Variants in TBC1D8 observed in about 807,000 individuals in gnomAD.
TBC1D8 encodes the protein TBC1 domain family member 8, also known as BUB2-like protein 1.
In TBC1D8, 65 loss-of-function variants were observed where a neutral mutation model predicts 118.8. The ratio of observed to expected loss-of-function variants is 0.55; its 90% CI spans 0.45 to 0.67. The LOEUF is 0.67. Ranked by LOEUF, TBC1D8 falls within the 30% of genes least tolerant of loss-of-function variation. The pLI is 0.00. For synonymous variants in TBC1D8, 566 were observed against 595.8 expected, an observed-to-expected ratio of 0.95 and a Z score of 0.73; for missense variants, 1,376 against 1,471.2, an observed-to-expected ratio of 0.94 and a Z score of 1.06.
rs201987619 is a variant in TBC1D8, at chr2:101,107,704, TG to T, written c.128-17341del. Among the ~76,000 whole-genome samples, 634 of 152,286 alleles carry T rather than the reference TG, an allele frequency of 4.2e-3. 2 individuals carry two copies. Among genetic ancestry groups the T allele is most frequent in the Non-Finnish European group, 6.9e-3 (468 of 68,022 alleles). The stretch of plus-strand genomic sequence containing the variant: ...AACCAGGGCTCCTTGGAGAAATGGC[TG>T]CTTCTGGAACTGGAACAGGAAATAT... On this transcript the variant is annotated intron_variant, in intron 1 of 19. Coordinates refer to ENST00000409318, the MANE Select transcript of TBC1D8 (RefSeq NM_001330348.2).
intron 15 of TBC1D8, chr2:101,023,946 T>C (rs1210351455): frequency 6.4e-6 from 1 of 155,660 alleles, no homozygotes; most frequent in East Asian, 1.9e-4. Flanking sequence ...AGCCATGTTA[T>C]TTAAATAGTC....
At chr2:101,069,002 A>AG (rs1381791941) in intron 2 of TBC1D8, among the ~76,000 whole-genome samples, 2 of 149,678 alleles carry the variant, frequency 1.3e-5, no homozygotes, top group East Asian at 4.0e-4. Context: ...CTCCGTTTCA[A>AG]GAAAAAAAAA....
intron 17 of TBC1D8, among the ~76,000 whole-genome samples, chr2:101,014,670 T>C (rs1679481762): frequency 6.6e-6 from 1 of 152,202 alleles, no homozygotes; most frequent in Admixed American, 6.5e-5. Context: ...CTTAGAGCAG[T>C]GTAAGCATCC....
At chr2:101,074,668 G>C in intron 2 of TBC1D8, among the ~76,000 whole-genome samples, 1 of 152,292 alleles carries the variant, frequency 6.6e-6, no homozygotes, top group East Asian at 1.9e-4. Context: ...AATGGTGTGC[G>C]TGTACGTATA....
intron 5 of TBC1D8, among the ~76,000 whole-genome samples, chr2:101,043,652 G>A (rs1009570805): frequency 1.3e-5 from 2 of 152,208 alleles, no homozygotes; most frequent in Admixed American, 6.5e-5. Flanking sequence ...TAAGAATAAG[G>A]TGTTCCAGGC....
intron 1 of TBC1D8, among the ~76,000 whole-genome samples, chr2:101,094,129 A>G (rs1440482075): frequency 6.6e-6 from 1 of 152,146 alleles, no homozygotes; most frequent in Non-Finnish European, 1.5e-5. Flanking sequence ...TGCCCACTTA[A>G]TAACCCTCAG....
intron 14 of TBC1D8, 143 bp downstream of exon 14, chr2:101,027,905 T>C: frequency 1.4e-6 from 1 of 718,148 alleles, no homozygotes; most frequent in South Asian, 1.8e-5. Context: ...GTTTCTACAC[T>C]ACTTCACCCT....
At position 101,054,098 on chromosome 2, in the gene TBC1D8, C is replaced by T; in HGVS notation, c.631+10G>A. On this transcript the variant is annotated intron_variant, in intron 4 of 19. Transcript: ENST00000409318. ...CTTTATCTTGGAAGAGCCTGCCAGG[C>T]CTCACTTACGTTCCTTGCCCAGGAA... The T allele has an allele frequency of 6.2e-7, 1 of 1,602,338 alleles. No individual in the cohort carries two copies. The highest frequency in any genetic ancestry group is 8.5e-7 in the Non-Finnish European group (1 of 1,173,194).
intron 11 of TBC1D8, among the ~76,000 whole-genome samples, chr2:101,030,143 G>A (rs1013475169): frequency 6.6e-6 from 1 of 152,110 alleles, no homozygotes; most frequent in Non-Finnish European, 1.5e-5. Context: ...CATTTCTTAT[G>A]ACATAAAAAG....
At chr2:101,037,979 T>C (rs1410379332) in intron 7 of TBC1D8, among the ~76,000 whole-genome samples, 1 of 152,030 alleles carries the variant, frequency 6.6e-6, no homozygotes, top group African/African-American at 2.4e-5. Context: ...CAGCCTCCCC[T>C]CAGCTTATGG....
chr2:101,018,308 G>GTTATAA (rs1679805362), intron 17 of TBC1D8: 2 of 160,378 alleles, frequency 1.2e-5, no homozygotes, highest in African/African-American at 4.8e-5. Context: ...ATAATGTCAT[G>GTTATAA]TGCTCTTTCA....
At chr2:101,119,719 T>C (rs1014571190) in intron 1 of TBC1D8, among the ~76,000 whole-genome samples, 3 of 152,220 alleles carry the variant, frequency 2.0e-5, no homozygotes, top group Admixed American at 2.0e-4. Flanking sequence ...GGCTCTTGAC[T>C]CTGCCACTAT....
intron 17 of TBC1D8, among the ~76,000 whole-genome samples, chr2:101,015,486 C>T (rs1463699165): frequency 6.6e-6 from 1 of 152,182 alleles, no homozygotes; most frequent in East Asian, 1.9e-4. Flanking sequence ...AACTTTTTGA[C>T]TCTTTTGTAA....
chr2:101,119,003 C>G (rs970144179), intron 1 of TBC1D8, among the ~76,000 whole-genome samples: 6 of 152,106 alleles, frequency 3.9e-5, no homozygotes, highest in African/African-American at 1.4e-4. Context: ...GACTGAGACC[C>G]TGTCTCTGCC....
At position 101,038,579 on chromosome 2, in the gene TBC1D8, G is replaced by A; in HGVS notation, c.1157C>T (p.Ala386Val). Reference protein sequence around the residue: ...PIIVSIRSKVAFQFIELRDRD... With the variant: ...PIIVSIRSKVVFQFIELRDRD... ...GTCCCGGAGCTCAATGAACTGGAAG[G>A]CCACCTTGCTTCTGATACTGACAAT... is the stretch of plus-strand genomic sequence containing the variant. Residue 386 changes from alanine to valine, a missense_variant, in exon 7 of 20, where the codon GCC (alanine) becomes GTC (valine). By Grantham distance (64) the Ala-to-Val change is moderately conservative. Transcript: ENST00000409318. 6.2e-7 allele frequency: 1 copy of A among 1,613,904 alleles called. No homozygotes were observed.
intron 15 of TBC1D8, among the ~76,000 whole-genome samples, chr2:101,024,608 T>C (rs990429990): frequency 6.6e-6 from 1 of 152,104 alleles, no homozygotes; most frequent in African/African-American, 2.4e-5. Flanking sequence ...GATTTCACCA[T>C]GTTGGTCAGG....
intron 2 of TBC1D8, among the ~76,000 whole-genome samples, chr2:101,063,571 T>C (rs1214537953): frequency 6.6e-6 from 1 of 152,206 alleles, no homozygotes; most frequent in African/African-American, 2.4e-5. Flanking sequence ...AGACTGTAAT[T>C]TCCTCTGCAG....
At chr2:101,032,568 A>T (rs1680735530) in intron 10 of TBC1D8, 183 bp from the exon 11 acceptor site, 1 of 548,558 alleles carries the variant, frequency 1.8e-6, no homozygotes, top group Admixed American at 3.0e-5. Flanking sequence ...TCCTCACAGG[A>T]CACGCCCAGC....
chr2:101,019,459 G>A (rs1679891400), intron 17 of TBC1D8: 1 of 153,942 alleles, frequency 6.5e-6, no homozygotes, highest in African/African-American at 2.4e-5. Flanking sequence ...TCAGGAAAAT[G>A]ATGTTTTAAA....
Sources: gnomAD v4.1 joint callset for allele counts (sites outside exome capture counted in the v4.1 genomes callset) on GRCh38, gnomAD v4.1.1 for gene constraint, MANE v1.5 for transcripts, NCBI Gene and HGNC (gene_info 2026-07-23, HGNC 2026-07-21) for gene names.